OTUB2: variants seen among roughly 807,000 people sequenced by gnomAD.
The protein encoded by OTUB2 is ubiquitin thioesterase OTUB2.
In OTUB2, 21 loss-of-function variants were observed where a neutral mutation model predicts 25.1. That is an observed-to-expected ratio of 0.84 (90% CI 0.59 to 1.21). OTUB2 has a LOEUF of 1.21. Ranked by LOEUF, OTUB2 falls within the 50% of genes most tolerant of loss-of-function variation. The pLI, the probability that OTUB2 is intolerant of heterozygous loss-of-function variation, is 0.00. For missense variants in OTUB2, 283 were observed against 298.0 expected (o/e 0.95, Z 0.37); for synonymous variants, 122 against 122.8 (o/e 0.99, Z 0.04).
At chr14:94,026,907 C>T (rs1335518947) in intron 1 of OTUB2, among the ~76,000 whole-genome samples, 2 of 152,156 alleles carry the variant, frequency 1.3e-5, no homozygotes, top group African/African-American at 2.4e-5. Context: ...TTAAGTAGCC[C>T]CCCAGTCAGC....
intron 1 of OTUB2, among the ~76,000 whole-genome samples, chr14:94,027,097 CG>C (rs1426358466): frequency 6.6e-6 from 1 of 152,178 alleles, no homozygotes; most frequent in African/African-American, 2.4e-5. Context: ...AGTTGTGAGG[CG>C]CATGAGTTAG....
chr14:94,044,570 G>C lies in OTUB2; in HGVS notation c.304-16G>C. 6.3e-7 allele frequency: 1 copy of C among 1,598,092 alleles called. No individual in the cohort carries two copies. The highest frequency in any genetic ancestry group is 8.6e-7 in the Non-Finnish European group (1 of 1,168,658). On this transcript the variant is annotated splice_polypyrimidine_tract_variant and intron_variant, in intron 4 of 5. Transcript: ENST00000203664. ...GGCTTGCTTGGCCTCCCTAGCTGAG[G>C]GCCGGGCGGGCGCAGTTTTACAGTG...
intron 4 of OTUB2, 97 bp downstream of exon 4, chr14:94,044,152 C>T: frequency 8.0e-7 from 1 of 1,256,714 alleles, no homozygotes; most frequent in Non-Finnish European, 1.2e-6. Flanking sequence ...CTCCTCCTGG[C>T]TGGGGAAGGA....
At chr14:94,030,224 C>G (rs73348110) in intron 1 of OTUB2, among the ~76,000 whole-genome samples, 10,890 of 151,938 alleles carry the variant, frequency 0.072, 1,207 homozygotes, top group African/African-American at 0.24. Context: ...GTTGGTGCAG[C>G]CTCCCTGGGG....
Position 94,044,592 on chromosome 14 carries a change from A to G in OTUB2, c.310A>G (p.Ser104Gly), listed in dbSNP as rs143257698. The G allele has an allele frequency of 6.2e-7, 1 of 1,611,984 alleles. No homozygotes were observed. The highest frequency in any genetic ancestry group is 2.2e-5 in the East Asian group (1 of 44,828). ...GAGGGCCGGGCGGGCGCAGTTTTAC[A>G]GTGTGGTGGAACTGGTAGAGAAGGA... ...KFRNFFNAFY[S>G]VVELVEKDGS... is the part of the protein sequence containing the mutation. The change falls in exon 5 of 6, where the codon AGT (serine) becomes GGT (glycine). Residue 104 changes from serine to glycine, a missense_variant. By Grantham distance (56) the Ser-to-Gly change is moderately conservative. Coordinates refer to ENST00000203664, the MANE Select transcript of OTUB2 (RefSeq NM_023112.4).
At chr14:94,035,450 A>G (rs1030532187) in intron 1 of OTUB2, among the ~76,000 whole-genome samples, 22 of 151,896 alleles carry the variant, frequency 1.4e-4, no homozygotes, top group Non-Finnish European at 3.1e-4. Context: ...CACCATGCCC[A>G]GCTAATTTTT....
intron 1 of OTUB2, among the ~76,000 whole-genome samples, chr14:94,032,827 A>T (rs1884987332): frequency 6.6e-6 from 1 of 152,214 alleles, no homozygotes; most frequent in Admixed American, 6.5e-5. Context: ...AAACCTGAAA[A>T]AATTCCTTCC....
chr14:94,039,255 T>C (rs1013317758), intron 3 of OTUB2, 174 bp downstream of exon 3: 2 of 609,682 alleles, frequency 3.3e-6, no homozygotes, highest in South Asian at 2.0e-5. Context: ...TGTGGTGAAG[T>C]TGGGGGCAGC....
At chr14:94,029,674 T>C (rs1884923221) in intron 1 of OTUB2, among the ~76,000 whole-genome samples, 1 of 152,180 alleles carries the variant, frequency 6.6e-6, no homozygotes, top group Non-Finnish European at 1.5e-5. Context: ...GTATTCAACA[T>C]ATGAATTTTG....
chr14:94,043,883 G>A (rs1885209101), intron 3 of OTUB2, 88 bp from the exon 4 acceptor site: 53 of 1,192,672 alleles, frequency 4.4e-5, no homozygotes, highest in South Asian at 9.8e-5. Context: ...GTTGGTGGGC[G>A]CAGTGGGTTG....
At position 94,043,178 on chromosome 14, in the gene OTUB2, C is replaced by T. The variant is rs191024968; in HGVS notation, c.219-793C>T. On this transcript the variant is annotated intron_variant, in intron 3 of 5. Coordinates refer to ENST00000203664, the MANE Select transcript of OTUB2 (RefSeq NM_023112.4). The stretch of plus-strand genomic sequence containing the variant: ...TGGAGCACAGCACCTTCTGAGGTGG[C>T]CCAGGCCTCTGTATTCCCTTGTGAA... 5.9e-5 allele frequency among the ~76,000 whole-genome samples: 9 copies of T among 152,372 alleles called. No homozygotes were observed. The East Asian group carries it at 1.7e-3, about 29-fold the overall frequency.
chr14:94,044,880 C>T (rs748875491), intron 5 of OTUB2, 100 bp downstream of exon 5: 5 of 1,239,520 alleles, frequency 4.0e-6, no homozygotes, highest in Non-Finnish European at 5.5e-6. Flanking sequence ...TCGGGTGTCA[C>T]GACTGCCCTT....
intron 3 of OTUB2, among the ~76,000 whole-genome samples, chr14:94,039,745 A>C (rs1159956787): frequency 1.3e-5 from 2 of 152,170 alleles, no homozygotes; most frequent in Non-Finnish European, 2.9e-5. Context: ...GCTGGGCCTC[A>C]AACCACGCTT....
In OTUB2 at chr14:94,047,770, G is replaced by A. The variant is rs1370449229; in HGVS notation, c.*1848G>A. 2 of 152,270 alleles carry A rather than the reference G, an allele frequency of 1.3e-5. No individual in the cohort carries two copies. The highest frequency in any genetic ancestry group is 4.8e-5 in the African/African-American group (2 of 41,452). The allele number at this position is 152,270 out of a possible 1,614,324, so 9.4% of individuals were successfully genotyped here. A position where few individuals can be genotyped will look rare whatever the true frequency, so the allele number is the denominator to read the frequency against. On this transcript the variant is annotated 3_prime_UTR_variant, in exon 6 of 6. Coordinates refer to ENST00000203664, the MANE Select transcript of OTUB2 (RefSeq NM_023112.4). ...AGCAGAAGCCTCACTGGGCTGCTAT[G>A]TCTCTGTATTTGTGGCTTGTGTGGT...
intron 1 of OTUB2, among the ~76,000 whole-genome samples, chr14:94,036,739 C>T (rs929010778): frequency 6.6e-6 from 1 of 152,108 alleles, no homozygotes; most frequent in African/African-American, 2.4e-5. Flanking sequence ...AAACTTTCGC[C>T]GGTAGGTGGT....
intron 3 of OTUB2, among the ~76,000 whole-genome samples, chr14:94,041,396 A>G (rs1011235141): frequency 1.3e-5 from 2 of 152,082 alleles, no homozygotes; most frequent in Non-Finnish European, 2.9e-5. Flanking sequence ...CACAGGTGAT[A>G]AGTCAAACCA....
chr14:94,042,857 T>TG (rs1179560034), intron 3 of OTUB2, among the ~76,000 whole-genome samples: 1 of 152,140 alleles, frequency 6.6e-6, no homozygotes, highest in East Asian at 1.9e-4. Context: ...CATCCACACT[T>TG]GCGCCAAAGT....
intron 1 of OTUB2, among the ~76,000 whole-genome samples, chr14:94,034,247 G>A (rs891523796): frequency 3.9e-5 from 6 of 152,206 alleles, no homozygotes; most frequent in South Asian, 2.1e-4. Context: ...CCTGTGATGA[G>A]CACGTCTTGG....
In OTUB2 at chr14:94,038,989, C is replaced by T; in HGVS notation, c.126C>T (p.Ile42=). 3 of 1,614,228 alleles carry T rather than the reference C, an allele frequency of 1.9e-6. No individual in the cohort carries two copies. Among genetic ancestry groups the T allele is most frequent in the Non-Finnish European group, 2.5e-6 (3 of 1,180,046 alleles). The change falls in exon 3 of 6, where the codon ATC becomes ATT. Residue 42 remains isoleucine, a synonymous_variant. Coordinates refer to ENST00000203664, the MANE Select transcript of OTUB2 (RefSeq NM_023112.4). ...AACTCAGCAAAAGGTTCACCGCCATCCGCAAGACCAAAGGGGATGGGAACT... is the reference window on the plus strand; with the variant it reads ...AACTCAGCAAAAGGTTCACCGCCATTCGCAAGACCAAAGGGGATGGGAACT... ...IEELSKRFTA[I]RKTKGDGNCF... is the part of the protein sequence containing the mutation.
Sources: allele counts gnomAD v4.1 joint callset (sites outside exome capture counted in the v4.1 genomes callset), GRCh38; gene constraint gnomAD v4.1.1; transcripts MANE v1.5; gene names NCBI Gene and HGNC (gene_info 2026-07-23, HGNC 2026-07-21).